Variants in HCN1 observed in about 807,000 individuals in gnomAD.
HCN1 encodes potassium/sodium hyperpolarization-activated cyclic nucleotide-gated channel 1.
HCN1 carries 13 observed loss-of-function variants against 78.9 expected under a neutral mutation model. The observed-to-expected ratio is 0.16, with a 90% CI of 0.11 to 0.26. The LOEUF (loss-of-function observed/expected upper bound fraction) is 0.26. HCN1 is among the 10% of genes least tolerant of loss of function. The probability of loss-of-function intolerance (pLI) is 1.00; values close to 1 mark genes in which losing one functional copy is unlikely to be tolerated. For missense variants in HCN1, 810 were observed against 1,154.3 expected (o/e 0.70, Z 4.32); for synonymous variants, 552 against 455.5 (o/e 1.21, Z -2.70).
chr5:45,574,415 G>A (rs1299076884), intron 2 of HCN1, among the ~76,000 whole-genome samples: 3 of 152,168 alleles, frequency 2.0e-5, no homozygotes, highest in South Asian at 2.1e-4. Flanking sequence ...CATGAACCAT[G>A]CCATGTAAGA....
chr5:45,289,881 A>G (rs900078970), intron 6 of HCN1, among the ~76,000 whole-genome samples: 4 of 151,944 alleles, frequency 2.6e-5, no homozygotes, highest in Admixed American at 6.6e-5. Context: ...TCTAGGTTAC[A>G]TACTGCCTTC....
At chr5:45,411,116 C>T (rs1740012567) in intron 3 of HCN1, among the ~76,000 whole-genome samples, 1 of 152,034 alleles carries the variant, frequency 6.6e-6, no homozygotes, top group Admixed American at 6.6e-5. Context: ...AAATTCTCCA[C>T]TCACATTACA....
intron 3 of HCN1, among the ~76,000 whole-genome samples, chr5:45,397,628 GAA>G (rs923707584): frequency 6.6e-6 from 1 of 151,148 alleles, no homozygotes; most frequent in African/African-American, 2.4e-5. Flanking sequence ...CAAAATGCGG[GAA>G]AAAAACTTAT....
intron 2 of HCN1, among the ~76,000 whole-genome samples, chr5:45,616,750 A>G (rs1158727609): frequency 6.6e-6 from 1 of 152,056 alleles, no homozygotes; most frequent in East Asian, 1.9e-4. Context: ...TGATTGAAAT[A>G]TATGTGTGAT....
In HCN1 at chr5:45,396,682, T is replaced by C; in HGVS notation, c.1040A>G (p.Tyr347Cys). The part of the protein sequence containing the change: ...VNDSWGKQYS[Y>C]ALFKAMSHML... Reference sequence around the variant, plus strand: ...GTGACTCATAGCTTTGAAGAGTGCGTATGAATACTGCTTTCCCCAAGAATC... The same window carrying C: ...GTGACTCATAGCTTTGAAGAGTGCGCATGAATACTGCTTTCCCCAAGAATC... Residue 347 changes from tyrosine (Y) to cysteine (C), a missense_variant, in exon 4 of 8, where the codon TAC (tyrosine) becomes TGC (cysteine). Tyr to Cys is a radical substitution (Grantham distance 194). Coordinates refer to ENST00000303230, the MANE Select transcript of HCN1 (RefSeq NM_021072.4). 6.2e-7 allele frequency: 1 copy of C among 1,613,814 alleles called. No individual in the cohort carries two copies. The highest frequency in any genetic ancestry group is 8.5e-7 in the Non-Finnish European group (1 of 1,179,824).
intron 5 of HCN1, among the ~76,000 whole-genome samples, chr5:45,349,232 C>T (rs1378638365): frequency 6.6e-6 from 1 of 152,196 alleles, no homozygotes; most frequent in Non-Finnish European, 1.5e-5. Flanking sequence ...CTCAAAGCCA[C>T]TCAACTACAT....
At chr5:45,412,401 A>T (rs1269164795) in intron 3 of HCN1, among the ~76,000 whole-genome samples, 1 of 152,044 alleles carries the variant, frequency 6.6e-6, no homozygotes, top group Non-Finnish European at 1.5e-5. Context: ...GTAGCACTGT[A>T]CCTCCAGGTT....
intron 2 of HCN1, among the ~76,000 whole-genome samples, chr5:45,639,988 G>A (rs749484535): frequency 2.6e-5 from 4 of 151,998 alleles, no homozygotes; most frequent in Non-Finnish European, 5.9e-5. Context: ...CGTGTCTTCT[G>A]GAACACACTC....
intron 6 of HCN1, among the ~76,000 whole-genome samples, chr5:45,286,658 T>C (rs1348956807): frequency 6.6e-6 from 1 of 152,002 alleles, no homozygotes; most frequent in Non-Finnish European, 1.5e-5. Context: ...TCTTTTGAGA[T>C]TCTATTCATT....
intron 2 of HCN1, among the ~76,000 whole-genome samples, chr5:45,634,513 C>G (rs539120033): frequency 6.6e-6 from 1 of 152,056 alleles, no homozygotes; most frequent in African/African-American, 2.4e-5. Flanking sequence ...CATCTACTAC[C>G]TTGCAATCTA....
chr5:45,454,278 AG>A (rs902054111), intron 3 of HCN1, among the ~76,000 whole-genome samples: 40 of 152,218 alleles, frequency 2.6e-4, no homozygotes, highest in African/African-American at 9.4e-4. Context: ...TTTTGTGATG[AG>A]GTCATGTTTC....
intron 2 of HCN1, 37 bp from the exon 3 acceptor site, chr5:45,462,044 A>AT (rs773463564): frequency 1.4e-4 from 226 of 1,563,816 alleles, no homozygotes; most frequent in Non-Finnish European, 1.9e-4. Flanking sequence ...CTTATAATCA[A>AT]TTTTTTAGAA....
intron 4 of HCN1, among the ~76,000 whole-genome samples, chr5:45,373,404 T>A (rs1368297504): frequency 2.2e-5 from 3 of 133,424 alleles, no homozygotes; most frequent in African/African-American, 8.2e-5. Flanking sequence ...ATATATTATA[T>A]AAAATATATT....
intron 2 of HCN1, among the ~76,000 whole-genome samples, chr5:45,595,324 T>G (rs1022935399): frequency 6.6e-6 from 1 of 152,112 alleles, no homozygotes; most frequent in Non-Finnish European, 1.5e-5. Context: ...AAATTAAGAA[T>G]TTGATGCTCA....
rs1418547000 is a variant in HCN1, at chr5:45,258,241, A to T, written c.*3680T>A. On this transcript the variant is annotated 3_prime_UTR_variant, in exon 8 of 8. Transcript: ENST00000303230. Reference sequence around the variant, plus strand: ...AGAGATTGCTCATAATTTGAAGTAGACATAATTCAGGATTTGAAATAAATC... The same window carrying T: ...AGAGATTGCTCATAATTTGAAGTAGTCATAATTCAGGATTTGAAATAAATC... 6 of 152,176 alleles carry T rather than the reference A, an allele frequency of 3.9e-5. No homozygotes were observed. Among genetic ancestry groups the T allele is most frequent in the Non-Finnish European group, 5.9e-5 (4 of 68,020 alleles). The allele number at this position is 152,176 out of a possible 1,614,324, so 9.4% of individuals were successfully genotyped here.
intron 2 of HCN1, among the ~76,000 whole-genome samples, chr5:45,599,955 A>G (rs1744590273): frequency 6.6e-6 from 1 of 152,138 alleles, no homozygotes; most frequent in Admixed American, 6.6e-5. Flanking sequence ...CAAGCTTAGA[A>G]GGAAAAGTAA....
chr5:45,461,162 A>G (rs1472702115), intron 3 of HCN1, among the ~76,000 whole-genome samples: 1 of 152,046 alleles, frequency 6.6e-6, no homozygotes, highest in Non-Finnish European at 1.5e-5. Context: ...ATATCAACCA[A>G]AATATTCCCT....
At chr5:45,413,496 A>T (rs2112058615) in intron 3 of HCN1, among the ~76,000 whole-genome samples, 1 of 152,160 alleles carries the variant, frequency 6.6e-6, no homozygotes, top group Middle Eastern at 3.4e-3. Context: ...CCAATTATAC[A>T]TGCCAATTTG....
chr5:45,290,524 T>G (rs1745349623), intron 6 of HCN1, among the ~76,000 whole-genome samples: 1 of 152,058 alleles, frequency 6.6e-6, no homozygotes, highest in African/African-American at 2.4e-5. Context: ...TAAGAATTTG[T>G]AGGGAAAACA....
Sources: allele counts gnomAD v4.1 joint callset (sites outside exome capture counted in the v4.1 genomes callset), GRCh38; gene constraint gnomAD v4.1.1; transcripts MANE v1.5; gene names NCBI Gene and HGNC (gene_info 2026-07-23, HGNC 2026-07-21).